KCNAB2: variants seen among roughly 807,000 people sequenced by gnomAD.
KCNAB2 encodes the protein voltage-gated potassium channel subunit beta-2.
A neutral mutation model predicts 63.6 loss-of-function variants in KCNAB2; 29 were observed. That is an observed-to-expected ratio of 0.46 (90% confidence interval 0.34 to 0.62). The LOEUF (loss-of-function observed/expected upper bound fraction) is 0.62, where lower values mean the gene tolerates loss of function less well. Ranked by LOEUF, KCNAB2 falls within the 20% of genes least tolerant of loss-of-function variation. The pLI, the probability that KCNAB2 is intolerant of heterozygous loss-of-function variation, is 0.01. For missense variants in KCNAB2, 359 were observed against 563.9 expected (o/e 0.64, Z 3.68); for synonymous variants, 222 against 224.2 (o/e 0.99, Z 0.09).
intron 2 of KCNAB2, 50 bp from the exon 3 acceptor site, chr1:6,072,705 G>A (rs774092455): frequency 1.2e-6 from 2 of 1,603,190 alleles, no homozygotes; most frequent in Non-Finnish European, 1.7e-6. Context: ...GAGCCTGGCT[G>A]GCAGGGTCCT....
intron 1 of KCNAB2, among the ~76,000 whole-genome samples, chr1:6,040,162 G>A (rs570102718): frequency 3.2e-4 from 48 of 152,340 alleles, no homozygotes; most frequent in African/African-American, 1.0e-3. Context: ...CCCCCTGGGC[G>A]GTCTCTTCTG....
At chr1:5,995,148 G>A (rs1656875378) in intron 1 of KCNAB2, among the ~76,000 whole-genome samples, 1 of 152,228 alleles carries the variant, frequency 6.6e-6, no homozygotes, top group South Asian at 2.1e-4. Context: ...AGGCAGGACA[G>A]TGGGCAGCTC....
At chr1:5,997,563 C>T (rs991652158) in intron 1 of KCNAB2, among the ~76,000 whole-genome samples, 2 of 152,250 alleles carry the variant, frequency 1.3e-5, no homozygotes, top group African/African-American at 4.8e-5. Flanking sequence ...GCTCCCCCTC[C>T]TTCACCATGA....
intron 4 of KCNAB2, among the ~76,000 whole-genome samples, chr1:6,080,494 G>A (rs11581252): frequency 0.14 from 21,877 of 152,154 alleles, 1,981 homozygotes; most frequent in East Asian, 0.3. Flanking sequence ...CAGAGCCCCG[G>A]CAGGTGGATC....
intron 1 of KCNAB2, among the ~76,000 whole-genome samples, chr1:6,038,052 A>G (rs980805224): frequency 6.7e-6 from 1 of 150,184 alleles, no homozygotes; most frequent in Non-Finnish European, 1.5e-5. Context: ...TTTTTTTTGT[A>G]TTTTTTAGTA....
At chr1:6,094,109 A>G (rs1036079780) in intron 10 of KCNAB2, among the ~76,000 whole-genome samples, 1 of 152,186 alleles carries the variant, frequency 6.6e-6, no homozygotes, top group Non-Finnish European at 1.5e-5. Context: ...AATCTACCAT[A>G]GAAACATCAC....
upstream of KCNAB2, among the ~76,000 whole-genome samples, chr1:6,031,190 T>G (rs1174395561): frequency 6.6e-6 from 1 of 152,168 alleles, no homozygotes; most frequent in African/African-American, 2.4e-5. This position sits in a 1 kb window ranked among gnomAD's most constrained non-coding sequence, Gnocchi z 4.1. Context: ...TGACCTTTCC[T>G]TGTGGTTTCT....
chr1:6,098,099 C>G, intron 15 of KCNAB2: 1 of 959,058 alleles, frequency 1.0e-6, no homozygotes, highest in South Asian at 4.5e-5. Flanking sequence ...AGGTGGAAGT[C>G]GGTCCCCGGG....
At position 6,086,497 on chromosome 1, in the gene KCNAB2, C is replaced by G. The variant is rs988276344; in HGVS notation, c.426-970C>G. On this transcript the variant is annotated intron_variant, in intron 6 of 15. Transcript: ENST00000378083. This position sits in a 1 kb window ranked among gnomAD's most constrained non-coding sequence, Gnocchi z 4.2. ...TTCGGGGCAGAGGAGGCCTCCTACTCCAGCCTCGTGAGCTGCTTCCCTGAG... is the reference window on the plus strand; with the variant it reads ...TTCGGGGCAGAGGAGGCCTCCTACTGCAGCCTCGTGAGCTGCTTCCCTGAG... 2 of 584,654 alleles carry G rather than the reference C, an allele frequency of 3.4e-6. No homozygotes were observed. Among genetic ancestry groups the G allele is most frequent in the African/African-American group, 4.1e-5 (2 of 49,330 alleles). 36.2% of individuals were successfully genotyped at this position (584,654 alleles called of 1,614,324 possible).
chr1:6,067,025 G>T (rs532280367), intron 2 of KCNAB2, among the ~76,000 whole-genome samples: 1 of 152,346 alleles, frequency 6.6e-6, no homozygotes, highest in African/African-American at 2.4e-5. Context: ...CTCCAAGGCT[G>T]GGTGAATGTG....
At chr1:6,066,519 G>A (rs780885927) in intron 2 of KCNAB2, among the ~76,000 whole-genome samples, 1 of 152,172 alleles carries the variant, frequency 6.6e-6, no homozygotes, top group African/African-American at 2.4e-5. Context: ...TGAGGGCGCC[G>A]TCTTCCTTCC....
intron 1 of KCNAB2, among the ~76,000 whole-genome samples, chr1:6,002,790 G>A (rs974738347): frequency 2.0e-5 from 3 of 152,070 alleles, no homozygotes; most frequent in Admixed American, 6.5e-5. Context: ...GAGAGCGGCT[G>A]CCCCCCTGCA....
chr1:6,063,985 G>A (rs1339545759), intron 2 of KCNAB2, among the ~76,000 whole-genome samples: 1 of 152,226 alleles, frequency 6.6e-6, no homozygotes, highest in Non-Finnish European at 1.5e-5. Context: ...TGAACTCTGT[G>A]CTGCTTAACG....
chr1:6,061,406 G>A (rs1055569509), intron 2 of KCNAB2, among the ~76,000 whole-genome samples: 9 of 152,196 alleles, frequency 5.9e-5, no homozygotes, highest in Admixed American at 6.5e-5. Context: ...CGGGCCGGGC[G>A]TGTCCCCACA....
chr1:6,019,914 AG>A (rs1658726004), intron 1 of KCNAB2, among the ~76,000 whole-genome samples: 1 of 152,198 alleles, frequency 6.6e-6, no homozygotes, highest in Non-Finnish European at 1.5e-5. Flanking sequence ...CAATCTCCGG[AG>A]GGCGGAGCAG....
Position 6,073,677 on chromosome 1 carries a change from G to A in KCNAB2, c.263-56G>A, listed in dbSNP as rs1557484236. ...TACAGCCTGAGGTCTGAGCACCGAC[G>A]GGATAATCTGGCTTCCTGCCAGGTT... On this transcript the variant is annotated intron_variant, in intron 3 of 15. Transcript: ENST00000378083. The surrounding 1 kb of genome is among the most constrained non-coding windows in gnomAD (Gnocchi z 5.7). 8.9e-6 allele frequency: 14 copies of A among 1,572,372 alleles called. No homozygotes were observed. Among genetic ancestry groups the A allele is most frequent in the South Asian group, 6.6e-5 (6 of 90,254 alleles).
intron 1 of KCNAB2, among the ~76,000 whole-genome samples, chr1:5,997,344 G>C (rs980051449): frequency 1.3e-5 from 2 of 152,180 alleles, no homozygotes; most frequent in Admixed American, 6.5e-5. Flanking sequence ...AAGGGGAAGA[G>C]AGGGCAGGAG....
In KCNAB2 at chr1:6,096,627, C is replaced by G. The variant is rs375023735; in HGVS notation, c.949-9C>G. The G allele has an allele frequency of 2.5e-6, 4 of 1,608,892 alleles. No homozygotes were observed. The highest frequency in any genetic ancestry group is 3.4e-6 in the Non-Finnish European group (4 of 1,178,038). On this transcript the variant is annotated splice_polypyrimidine_tract_variant and intron_variant, in intron 13 of 15. Coordinates refer to ENST00000378083, the MANE Select transcript of KCNAB2 (RefSeq NM_001199862.2). This position sits in a 1 kb window ranked among gnomAD's most constrained non-coding sequence, Gnocchi z 5.9. ...CTGTAGCTGTGCTGCTCCCCTCCCCCGCAACCAGGGCTACCAGTGGCTGAA... is the reference window on the plus strand; with the variant it reads ...CTGTAGCTGTGCTGCTCCCCTCCCCGGCAACCAGGGCTACCAGTGGCTGAA...
At chr1:6,097,165 C>T in intron 14 of KCNAB2, 104 bp from the exon 15 acceptor site, 3 of 1,324,486 alleles carry the variant, frequency 2.3e-6, no homozygotes, top group Non-Finnish European at 3.0e-6. Context: ...CTCAGACCCC[C>T]AGACCAAGAT....
Sources: gnomAD v4.1 joint callset for allele counts (sites outside exome capture counted in the v4.1 genomes callset) on GRCh38, gnomAD v4.1.1 for gene constraint, Gnocchi (gnomAD v3.1) non-coding constraint, MANE v1.5 for transcripts, NCBI Gene and HGNC (gene_info 2026-07-23, HGNC 2026-07-21) for gene names.